COL6A2: variants seen among roughly 807,000 people sequenced by gnomAD.
COL6A2 encodes collagen type VI alpha 2 chain.
COL6A2 carries 90 observed loss-of-function variants against 124.9 expected under a neutral mutation model. The observed-to-expected ratio is 0.72, with a 90% CI of 0.61 to 0.86. The LOEUF is 0.86. Ranked by LOEUF, COL6A2 falls within the 40% of genes least tolerant of loss-of-function variation. The pLI is 0.00. For missense variants in COL6A2, 1,607 were observed against 1,502.5 expected (o/e 1.07, Z -1.15); for synonymous variants, 793 against 618.2 (o/e 1.28, Z -4.19).
chr21:46,125,351 G>C (rs757939793), intron 24 of COL6A2, 40 bp downstream of exon 24: 1 of 1,605,626 alleles, frequency 6.2e-7, no homozygotes, highest in Non-Finnish European at 8.5e-7. Flanking sequence ...CCCATGCACC[G>C]GGTGGAGGGC....
chr21:46,132,671 A>T lies in COL6A2; in HGVS notation c.*119A>T, dbSNP rs1043962. On this transcript the variant is annotated 3_prime_UTR_variant, in exon 28 of 28. Coordinates refer to ENST00000300527, the MANE Select transcript of COL6A2 (RefSeq NM_001849.4). Reference sequence around the variant, plus strand: ...CACTCGGACGACGCCCTGGGCCTGCACCTCTCCAGCTCCTCCCACGGGGTC... The same window carrying T: ...CACTCGGACGACGCCCTGGGCCTGCTCCTCTCCAGCTCCTCCCACGGGGTC... 2.2e-5 allele frequency: 23 copies of T among 1,052,918 alleles called. No individual in the cohort carries two copies. In the East Asian group the frequency reaches 2.4e-4, roughly 11 times the overall value. 65.2% of individuals were successfully genotyped at this position (1,052,918 alleles called of 1,614,324 possible).
chr21:46,116,603 G>A lies in COL6A2; in HGVS notation c.928-48G>A. 6.2e-7 allele frequency: 1 copy of A among 1,612,522 alleles called. No individual in the cohort carries two copies. Among genetic ancestry groups the A allele is most frequent in the South Asian group, 1.1e-5 (1 of 91,072 alleles). ...GCCCCCCAGAGGCAGCAGTGCCCAT[G>A]ATGCTTTGAGGCACCGAGCTCACTG... is the stretch of plus-strand genomic sequence containing the variant. On this transcript the variant is annotated intron_variant, in intron 8 of 27. Coordinates refer to ENST00000300527, the MANE Select transcript of COL6A2 (RefSeq NM_001849.4). This position sits in a 1 kb window ranked among gnomAD's most constrained non-coding sequence, Gnocchi z 4.6.
intron 21 of COL6A2, among the ~76,000 whole-genome samples, chr21:46,123,921 G>A (rs2078613936): frequency 6.7e-6 from 1 of 149,230 alleles, no homozygotes; most frequent in African/African-American, 2.5e-5. Flanking sequence ...GTGGATAGAG[G>A]ATGGATGGTT....
At chr21:46,108,201 AAC>A (rs1177541561) in intron 1 of COL6A2, among the ~76,000 whole-genome samples, 1 of 151,824 alleles carries the variant, frequency 6.6e-6, no homozygotes, top group East Asian at 1.9e-4. Flanking sequence ...CTTCTTTTCC[AAC>A]AGTTATACTT....
rs1017498473 is a variant in COL6A2 at position 46,117,661 on chromosome 21, G to A, written c.1053+208G>A. On this transcript the variant is annotated intron_variant, in intron 11 of 27. Coordinates refer to ENST00000300527, the MANE Select transcript of COL6A2 (RefSeq NM_001849.4). ...AGCTCCTGGCGGATCCCCGTGGCCT[G>A]GAGACCTGATGCATCCCAAACTTCG... The A allele has an allele frequency of 1.6e-5, 12 of 743,268 alleles. No individual in the cohort carries two copies. The Admixed American group carries it at 1.7e-4, about 10-fold the overall frequency. The allele number at this position is 743,268 out of a possible 1,614,324, so 46.0% of individuals were successfully genotyped here.
At position 46,117,457 on chromosome 21, in the gene COL6A2, A is replaced by G; in HGVS notation, c.1053+4A>G. ...CAAGGGAGACCCTGGAAACCGGGTA[A>G]GGGCCGTTTGCACCCCTCCTTCAGC... On this transcript the variant is annotated splice_donor_region_variant and intron_variant, in intron 11 of 27. Coordinates refer to ENST00000300527, the MANE Select transcript of COL6A2 (RefSeq NM_001849.4). 1 of 1,612,578 alleles carries G rather than the reference A, an allele frequency of 6.2e-7. No individual in the cohort carries two copies. The highest frequency in any genetic ancestry group is 8.5e-7 in the Non-Finnish European group (1 of 1,179,818).
At chr21:46,131,446 G>A (rs768657428) in intron 27 of COL6A2, among the ~76,000 whole-genome samples, 5 of 152,232 alleles carry the variant, frequency 3.3e-5, no homozygotes, top group Non-Finnish European at 7.3e-5. Flanking sequence ...AATCAGAAGA[G>A]TCAGGGGCTC....
chr21:46,098,557 T>TCGGGTC (rs2078251767), intron 1 of COL6A2, among the ~76,000 whole-genome samples: 1 of 149,602 alleles, frequency 6.7e-6, no homozygotes, highest in Admixed American at 6.6e-5. Flanking sequence ...TGCGAGCGGT[T>TCGGGTC]CGGGTCCGGC....
At chr21:46,119,693 GAGA>G (rs2078529740) in intron 14 of COL6A2, 92 bp from the exon 15 acceptor site, 1 of 1,152,424 alleles carries the variant, frequency 8.7e-7, no homozygotes, top group Non-Finnish European at 1.3e-6. Context: ...CCCTCCTGTA[GAGA>G]AGGAGCATCG....
intron 27 of COL6A2, chr21:46,129,608 G>A (rs2078732195): frequency 1.4e-6 from 2 of 1,433,698 alleles, no homozygotes; most frequent in Non-Finnish European, 1.8e-6. Flanking sequence ...GGTCAGCGGG[G>A]CTACAGTCCT....
At position 46,118,662 on chromosome 21, in the gene COL6A2, G is replaced by A. The variant is rs577375420; in HGVS notation, c.1165G>A (p.Ala389Thr). The change falls in exon 13 of 28, where the codon GCC becomes ACC. Residue 389 changes from alanine (A) to threonine (T), a missense_variant. By Grantham distance (58) the Ala-to-Thr change is moderately conservative. Transcript: ENST00000300527. ...GRRGPPGEIG[A>T]KGSKGYQGNS... ...CAGAGGGCCCCCGGGAGAAATCGGG[G>A]CCAAGGGAAGCAAGGTGAGCCCCTC... The A allele has an allele frequency of 6.2e-7, 1 of 1,611,020 alleles. No individual in the cohort carries two copies. Among genetic ancestry groups the A allele is most frequent in the African/African-American group, 1.3e-5 (1 of 74,944 alleles).
At chr21:46,119,437 G>A (rs2078526194) in intron 14 of COL6A2, among the ~76,000 whole-genome samples, 1 of 152,190 alleles carries the variant, frequency 6.6e-6, no homozygotes, top group African/African-American at 2.4e-5. Context: ...TGAGCATGGG[G>A]CCTGCCTGGG....
At chr21:46,123,266 T>C (rs1305290184) in intron 21 of COL6A2, among the ~76,000 whole-genome samples, 3 of 52,270 alleles carry the variant, frequency 5.7e-5, no homozygotes, top group African/African-American at 5.9e-5. Flanking sequence ...CAGGGTCCCC[T>C]CCCCAGCGAC....
intron 14 of COL6A2, 25 bp downstream of exon 14, chr21:46,119,144 A>G (rs374417136): frequency 1.9e-6 from 3 of 1,571,706 alleles, no homozygotes; most frequent in Non-Finnish European, 2.6e-6. Context: ...CCCCTGCCTC[A>G]GGGCCCCGCT....
At chr21:46,121,426 C>T in intron 17 of COL6A2, 130 bp from the exon 18 acceptor site, 1 of 901,484 alleles carries the variant, frequency 1.1e-6, no homozygotes, top group Non-Finnish European at 1.8e-6. Context: ...GGTCCACGGC[C>T]CCCACAGGCA....
At chr21:46,107,809 G>A (rs2078350417) in intron 1 of COL6A2, among the ~76,000 whole-genome samples, 1 of 152,062 alleles carries the variant, frequency 6.6e-6, no homozygotes, top group Admixed American at 6.6e-5. Flanking sequence ...TGCCTTTCTG[G>A]ATTAAACCAA....
In COL6A2 at chr21:46,125,302, G is replaced by C; in HGVS notation, c.1807G>C (p.Gly603Arg). 6.2e-7 allele frequency: 1 copy of C among 1,611,348 alleles called. No individual in the cohort carries two copies. The highest frequency in any genetic ancestry group is 8.5e-7 in the Non-Finnish European group (1 of 1,179,050). ...CATGACCTACGTGAGGGAGACCTGC[G>C]GGTGCTGCGGTGAGGCACTGCCCAC... ...DVMTYVRETC[G>R]CCDCEKRCGA... The change falls in exon 24 of 28, where the codon GGG becomes CGG. Residue 603 changes from glycine to arginine, a missense_variant. By Grantham distance (125) the Gly-to-Arg change is moderately radical (BLOSUM62 -2). Transcript: ENST00000300527.
At chr21:46,130,534 G>A (rs1012563584) in intron 27 of COL6A2, among the ~76,000 whole-genome samples, 1 of 151,898 alleles carries the variant, frequency 6.6e-6, no homozygotes, top group East Asian at 1.9e-4. Context: ...GGGGATGAAG[G>A]ATCCTCCACA....
Position 46,112,346 on chromosome 21 carries a change from C to A in COL6A2, c.483C>A (p.Thr161=), listed in dbSNP as rs138312213. 9 of 1,609,488 alleles carry A rather than the reference C, an allele frequency of 5.6e-6. No homozygotes were observed. Among genetic ancestry groups the A allele is most frequent in the Non-Finnish European group, 7.6e-6 (9 of 1,178,592 alleles). ...KGTVHFAVVI[T]DGHVTGSPCG... ...CCGTCCACTTCGCCGTGGTCATCACCGACGGCCACGTCACCGGCAGCCCCT... is the reference window on the plus strand; with the variant it reads ...CCGTCCACTTCGCCGTGGTCATCACAGACGGCCACGTCACCGGCAGCCCCT... The change falls in exon 3 of 28, where the codon ACC becomes ACA. Residue 161 remains threonine (T), a synonymous_variant. Transcript: ENST00000300527.
Sources: gnomAD v4.1 joint callset for allele counts (sites outside exome capture counted in the v4.1 genomes callset) on GRCh38, gnomAD v4.1.1 for gene constraint, Gnocchi (gnomAD v3.1) non-coding constraint, MANE v1.5 for transcripts, NCBI Gene and HGNC (gene_info 2026-07-23, HGNC 2026-07-21) for gene names.